TMEM244: variants seen among roughly 807,000 people sequenced by gnomAD.
The protein encoded by TMEM244 is transmembrane protein 244.
A neutral mutation model predicts 15.8 loss-of-function variants in TMEM244; 13 were observed. The observed-to-expected ratio is 0.82, with a 90% confidence interval of 0.53 to 1.30. The LOEUF (loss-of-function observed/expected upper bound fraction) is 1.30, where lower values mean the gene tolerates loss of function less well. TMEM244 is among the 50% of genes most tolerant of loss of function. The pLI is 0.00. For synonymous variants in TMEM244, 45 were observed against 48.7 expected, an observed-to-expected ratio of 0.92 and a Z score of 0.32; for missense variants, 161 against 144.9, an observed-to-expected ratio of 1.11 and a Z score of -0.57.
chr6:129,842,685 G>T (rs1776509021), intron 3 of TMEM244, among the ~76,000 whole-genome samples: 1 of 151,848 alleles, frequency 6.6e-6, no homozygotes, highest in Non-Finnish European at 1.5e-5. Context: ...ACTGTATACA[G>T]AATGTAAGTA....
intron 1 of TMEM244, among the ~76,000 whole-genome samples, chr6:129,852,960 G>A (rs1302094522): frequency 6.6e-6 from 1 of 152,046 alleles, no homozygotes; most frequent in Non-Finnish European, 1.5e-5. Context: ...AGCTCTCTCT[G>A]GGATTCTCTT....
rs533149104 is a variant in TMEM244 at position 129,846,573 on chromosome 6, C to A, written c.34-721G>T. ...ATACAAATCCATATCTCTTACCCTC[C>A]ATTCACTGGAACAAACTTCCTAAAT... On this transcript the variant is annotated intron_variant, in intron 1 of 4. Transcript: ENST00000368143. Among the ~76,000 whole-genome samples the A allele has an allele frequency of 2.0e-5, 3 of 152,238 alleles. No homozygotes were observed. In the South Asian group the frequency reaches 6.2e-4, roughly 32 times the overall value.
At chr6:129,855,706 T>C (rs1776696467) in intron 1 of TMEM244, among the ~76,000 whole-genome samples, 1 of 152,188 alleles carries the variant, frequency 6.6e-6, no homozygotes, top group Admixed American at 6.5e-5. Context: ...AGAAGAACTC[T>C]ACAAAGGTAA....
chr6:129,831,424 G>C lies in TMEM244; in HGVS notation c.320-38C>G, dbSNP rs377262675. 6 of 1,387,642 alleles carry C rather than the reference G, an allele frequency of 4.3e-6. No homozygotes were observed. The East Asian group carries it at 1.4e-4, about 32-fold the overall frequency. The allele number at this position is 1,387,642 out of a possible 1,614,324, so 86.0% of individuals were successfully genotyped here. A position where few individuals can be genotyped will look rare whatever the true frequency, so the allele number is the denominator to read the frequency against. On this transcript the variant is annotated intron_variant, in intron 4 of 4. Transcript: ENST00000368143. ...AAAAATGTTTAATTTCAAAACATGC[G>C]TTTTTATATTTTGCTCAAGAAGAAA...
chr6:129,839,680 C>T (rs1408440694), intron 3 of TMEM244, among the ~76,000 whole-genome samples: 1 of 152,166 alleles, frequency 6.6e-6, no homozygotes. Context: ...TTAGAAAACC[C>T]CATTGTCTCA....
In TMEM244 at chr6:129,833,564, A is replaced by G. The variant is rs745346829; in HGVS notation, c.215T>C (p.Val72Ala). ...NYKVLLVSTE[V>A]TYFVCGLFFV... ...AAACAATCCACAAACAAAGTAGGTGACCTCTGTTGAAACTAAAAGAACTGC... is the reference window on the plus strand; with the variant it reads ...AAACAATCCACAAACAAAGTAGGTGGCCTCTGTTGAAACTAAAAGAACTGC... Residue 72 changes from valine (V) to alanine (A), a missense_variant, in exon 4 of 5, where the codon GTC becomes GCC. Transcript: ENST00000368143. The G allele has an allele frequency of 6.2e-7, 1 of 1,612,166 alleles. No individual in the cohort carries two copies. The highest frequency in any genetic ancestry group is 1.3e-5 in the African/African-American group (1 of 74,834).
intron 2 of TMEM244, 115 bp downstream of exon 2, chr6:129,845,652 C>A (rs1176296387): frequency 3.6e-6 from 3 of 826,240 alleles, no homozygotes; most frequent in Non-Finnish European, 5.9e-6. Flanking sequence ...GAAACTATGT[C>A]TTTAAAAAAA....
intron 3 of TMEM244, among the ~76,000 whole-genome samples, chr6:129,838,467 C>T (rs1045959224): frequency 1.3e-5 from 2 of 152,030 alleles, no homozygotes; most frequent in African/African-American, 4.8e-5. Flanking sequence ...GCACTAAATG[C>T]CCACAAGAGA....
intron 3 of TMEM244, among the ~76,000 whole-genome samples, chr6:129,837,265 A>T (rs1776422212): frequency 6.6e-6 from 1 of 152,210 alleles, no homozygotes; most frequent in Admixed American, 6.5e-5. Flanking sequence ...GTGGGGGCCA[A>T]TATTCAACAT....
At position 129,858,577 on chromosome 6, in the gene TMEM244, A is replaced by G. The variant is rs1776751706; in HGVS notation, c.33+2579T>C. On this transcript the variant is annotated intron_variant, in intron 1 of 4. Transcript: ENST00000368143. ...TTCCATAATATTATATTTGTCTTAT[A>G]GATCTCATCAAATTTGTATTGTAGC... Among the ~76,000 whole-genome samples, 5 of 152,304 alleles carry G rather than the reference A, an allele frequency of 3.3e-5. No homozygotes were observed. The South Asian group carries it at 1.0e-3, about 32-fold the overall frequency.
chr6:129,840,302 C>T (rs1033709095), intron 3 of TMEM244, among the ~76,000 whole-genome samples: 1 of 152,172 alleles, frequency 6.6e-6, no homozygotes, highest in African/African-American at 2.4e-5. Context: ...TGATCTTTGA[C>T]AAACCTGACA....
Position 129,844,365 on chromosome 6 carries a change from C to T in TMEM244, c.120-762G>A, listed in dbSNP as rs140510613. Among the ~76,000 whole-genome samples the T allele has an allele frequency of 6.4e-3, 980 of 152,216 alleles. 11 individuals are homozygous for T. The highest frequency in any genetic ancestry group is 0.022 in the African/African-American group (922 of 41,518). On this transcript the variant is annotated intron_variant, in intron 2 of 4. Coordinates refer to ENST00000368143, the MANE Select transcript of TMEM244 (RefSeq NM_001010876.2). Reference sequence around the variant, plus strand: ...GGAGAACGTAATACCATGGAGACAGCGCAGGCTTGAAAAACAACAAGATAC... The same window carrying T: ...GGAGAACGTAATACCATGGAGACAGTGCAGGCTTGAAAAACAACAAGATAC...
chr6:129,842,417 T>C (rs376981443), intron 3 of TMEM244, among the ~76,000 whole-genome samples: 4 of 152,182 alleles, frequency 2.6e-5, no homozygotes, highest in Non-Finnish European at 5.9e-5. Context: ...CTATCCAAAA[T>C]TGAATCAATA....
At chr6:129,857,811 T>TAC (rs970330798) in intron 1 of TMEM244, among the ~76,000 whole-genome samples, 2 of 150,058 alleles carry the variant, frequency 1.3e-5, no homozygotes. Context: ...TATATATATA[T>TAC]ACACACATAT....
At chr6:129,847,919 C>T (rs1776582624) in intron 1 of TMEM244, among the ~76,000 whole-genome samples, 1 of 151,886 alleles carries the variant, frequency 6.6e-6, no homozygotes, top group African/African-American at 2.4e-5. Context: ...GGATTACAGG[C>T]ATGCACCACC....
At chr6:129,853,474 A>G (rs913417971) in intron 1 of TMEM244, among the ~76,000 whole-genome samples, 8 of 151,070 alleles carry the variant, frequency 5.3e-5, no homozygotes, top group African/African-American at 1.9e-4. Context: ...TTTTTTTTTT[A>G]CACTCCTATT....
rs771633016 is a variant in TMEM244 at position 129,833,571 on chromosome 6, T to C, written c.208A>G (p.Thr70Ala). 1 of 1,611,938 alleles carries C rather than the reference T, an allele frequency of 6.2e-7. No individual in the cohort carries two copies. The highest frequency in any genetic ancestry group is 1.7e-5 in the Admixed American group (1 of 59,818). The change falls in exon 4 of 5, where the codon ACA (threonine) becomes GCA (alanine). Residue 70 changes from threonine to alanine, a missense_variant. Coordinates refer to ENST00000368143, the MANE Select transcript of TMEM244 (RefSeq NM_001010876.2). Reference protein sequence around the residue: ...NINYKVLLVSTEVTYFVCGLF... With the variant: ...NINYKVLLVSAEVTYFVCGLF... ...CCACAAACAAAGTAGGTGACCTCTG[T>C]TGAAACTAAAAGAACTGCAAATACA...
chr6:129,841,375 A>G (rs918509738), intron 3 of TMEM244, among the ~76,000 whole-genome samples: 1 of 142,254 alleles, frequency 7.0e-6, no homozygotes, highest in Non-Finnish European at 1.5e-5. Flanking sequence ...TTAAACAAAG[A>G]ACACTTGGAC....
chr6:129,848,563 T>C (rs1488266217), intron 1 of TMEM244, among the ~76,000 whole-genome samples: 1 of 151,992 alleles, frequency 6.6e-6, no homozygotes, highest in Admixed American at 6.6e-5. Context: ...AAAGCCCTCA[T>C]TTTGTAGAGA....
Sources: gnomAD v4.1 joint callset for allele counts (sites outside exome capture counted in the v4.1 genomes callset) on GRCh38, gnomAD v4.1.1 for gene constraint, MANE v1.5 for transcripts, NCBI Gene and HGNC (gene_info 2026-07-23, HGNC 2026-07-21) for gene names.